The following INSL6 variants were observed in gnomAD, a reference collection of about 807,000 sequenced individuals.
INSL6 encodes the protein insulin-like peptide INSL6.
A neutral mutation model predicts 9.4 loss-of-function variants in INSL6; 16 were observed. The ratio of observed to expected loss-of-function variants is 1.70; its 90% CI spans 1.15 to 2.59. The LOEUF (loss-of-function observed/expected upper bound fraction) is 2.59, where lower values mean the gene tolerates loss of function less well. Ranked by LOEUF, INSL6 falls within the 30% of genes most tolerant of loss-of-function variation. The probability of loss-of-function intolerance (pLI) is 0.00; values close to 1 mark genes in which losing one functional copy is unlikely to be tolerated. For missense variants in INSL6, 391 were observed against 257.3 expected (o/e 1.52, Z -3.56); for synonymous variants, 154 against 96.9 (o/e 1.59, Z -3.46).
At chr9:5,155,929 A>G (rs1824807411) in intron 2 of INSL6, among the ~76,000 whole-genome samples, 1 of 151,562 alleles carries the variant, frequency 6.6e-6, no homozygotes, top group South Asian at 2.1e-4. Flanking sequence ...TTAAAAAAAG[A>G]AAAAAAAAGA....
At chr9:5,054,831 G>A in the INSL6 span, 1 of 1,611,968 alleles carries the variant, frequency 6.2e-7, no homozygotes, top group African/African-American at 1.3e-5. This position sits in a 1 kb window ranked among gnomAD's most constrained non-coding sequence, Gnocchi z 4.9. Context: ...TGGAAACGGT[G>A]GAATTCAGTG....
intron 2 of INSL6, among the ~76,000 whole-genome samples, chr9:5,145,082 T>G: frequency 6.6e-6 from 1 of 152,194 alleles, no homozygotes; most frequent in South Asian, 2.1e-4. Flanking sequence ...CTTCAATGTG[T>G]TTTTGTAGTG....
At chr9:5,141,365 ATG>A (rs1358404817) in intron 2 of INSL6, among the ~76,000 whole-genome samples, 1 of 151,666 alleles carries the variant, frequency 6.6e-6, no homozygotes, top group Non-Finnish European at 1.5e-5. Flanking sequence ...TCACCAGCAT[ATG>A]TGTTTTGACT....
At chr9:5,004,125 T>G in the INSL6 span, among the ~76,000 whole-genome samples, 1 of 152,180 alleles carries the variant, frequency 6.6e-6, no homozygotes, top group East Asian at 1.9e-4. Flanking sequence ...CCTCACATAC[T>G]TATCTTTTGT....
chr9:5,184,287 G>C (rs980378192), intron 1 of INSL6, among the ~76,000 whole-genome samples: 1 of 152,084 alleles, frequency 6.6e-6, no homozygotes, highest in Non-Finnish European at 1.5e-5. Context: ...TACAAGATTT[G>C]TCCAAATCAA....
the INSL6 span, chr9:5,054,507 T>A: frequency 7.1e-7 from 1 of 1,408,368 alleles, no homozygotes; most frequent in South Asian, 1.4e-5. This position sits in a 1 kb window ranked among gnomAD's most constrained non-coding sequence, Gnocchi z 4.9. Flanking sequence ...ATTTTTAGAT[T>A]TATCTTCCAA....
chr9:5,104,941 C>T, the INSL6 span, among the ~76,000 whole-genome samples: 4 of 152,182 alleles, frequency 2.6e-5, no homozygotes, highest in African/African-American at 9.7e-5. Context: ...GACAAACTCA[C>T]AGCCAATATC....
chr9:5,126,369 C>A, intron 3 of INSL6: 1 of 1,610,344 alleles, frequency 6.2e-7, no homozygotes, highest in Non-Finnish European at 8.5e-7. Context: ...CAAACAAGGA[C>A]AGATGATCGT....
chr9:5,133,031 T>C (rs1318091662), intron 3 of INSL6, among the ~76,000 whole-genome samples: 2 of 152,190 alleles, frequency 1.3e-5, no homozygotes, highest in East Asian at 3.9e-4. Context: ...GAATTTCATA[T>C]ATTCTTTCTA....
intron 3 of INSL6, chr9:5,132,838 A>G (rs2149552): frequency 0.38 from 58,538 of 152,068 alleles, 12,848 homozygotes; most frequent in African/African-American, 0.62. Flanking sequence ...TATCAATTTA[A>G]AATTCCCTGT....
chr9:5,117,235 G>T, the INSL6 span, among the ~76,000 whole-genome samples: 2 of 152,218 alleles, frequency 1.3e-5, no homozygotes, highest in Non-Finnish European at 2.9e-5. Context: ...ATTATCCATT[G>T]TCAGGTACTC....
intron 2 of INSL6, among the ~76,000 whole-genome samples, chr9:5,155,529 T>TA (rs797017082): frequency 0.013 from 1,194 of 90,902 alleles, 12 homozygotes; most frequent in African/African-American, 0.06. Context: ...AACTACTAAA[T>TA]AAAAAAAAAA....
the INSL6 span, chr9:5,069,883 C>T: frequency 2.0e-4 from 265 of 1,339,030 alleles, no homozygotes; most frequent in African/African-American, 3.1e-3. Flanking sequence ...TTCATACTTT[C>T]AGTGTATTTT....
downstream of INSL6, among the ~76,000 whole-genome samples, chr9:5,160,709 T>C (rs948813162): frequency 6.6e-6 from 1 of 151,966 alleles, no homozygotes; most frequent in African/African-American, 2.4e-5. Flanking sequence ...CTAACTTAGA[T>C]AAAAAGTGAC....
chr9:5,074,344 C>T, the INSL6 span, among the ~76,000 whole-genome samples: 3 of 152,050 alleles, frequency 2.0e-5, no homozygotes, highest in Non-Finnish European at 2.9e-5. Context: ...GTATTTTTTA[C>T]ATATTGAAGG....
the INSL6 span, among the ~76,000 whole-genome samples, chr9:5,076,782 A>T: frequency 6.6e-6 from 1 of 152,062 alleles, no homozygotes; most frequent in Non-Finnish European, 1.5e-5. Flanking sequence ...CTTGTATGAC[A>T]TTTTTTCATA....
At chr9:5,023,194 C>T in the INSL6 span, among the ~76,000 whole-genome samples, 1 of 152,176 alleles carries the variant, frequency 6.6e-6, no homozygotes, top group Non-Finnish European at 1.5e-5. Flanking sequence ...TCTCTGCTAC[C>T]AATCCACTCT....
the INSL6 span, among the ~76,000 whole-genome samples, chr9:4,993,957 T>C: frequency 2.6e-5 from 4 of 152,184 alleles, no homozygotes; most frequent in South Asian, 4.1e-4. Flanking sequence ...TGATCATGTA[T>C]GGATGAGTGT....
intron 3 of INSL6, chr9:5,132,828 T>A (rs1824316985): frequency 6.6e-6 from 1 of 152,208 alleles, no homozygotes; most frequent in Admixed American, 6.5e-5. Flanking sequence ...CCTGATGGTG[T>A]ATCAATTTAA....
Sources: allele counts gnomAD v4.1 joint callset (sites outside exome capture counted in the v4.1 genomes callset), GRCh38; gene constraint gnomAD v4.1.1; non-coding constraint Gnocchi (gnomAD v3.1); transcripts MANE v1.5; gene names NCBI Gene and HGNC (gene_info 2026-07-23, HGNC 2026-07-21).